The following VSTM4 variants were observed in gnomAD, a reference collection of about 807,000 sequenced individuals.
The protein encoded by VSTM4 is V-set and transmembrane domain containing 4, also known as V-set and transmembrane domain-containing protein 4.
Under a neutral mutation model 36.4 loss-of-function variants are expected in VSTM4, and 20 were observed. The ratio of observed to expected loss-of-function variants is 0.55; its 90% CI spans 0.39 to 0.80. The LOEUF is 0.80. Among genes scored for constraint, VSTM4 ranks in the 30% least tolerant of loss-of-function variants. The pLI is 0.00. For synonymous variants in VSTM4, 182 were observed against 173.9 expected, an observed-to-expected ratio of 1.05 and a Z score of -0.37; for missense variants, 392 against 404.5, an observed-to-expected ratio of 0.97 and a Z score of 0.26.
intron 1 of VSTM4, among the ~76,000 whole-genome samples, chr10:49,113,531 T>A (rs1308770338): frequency 6.6e-6 from 1 of 152,242 alleles, no homozygotes; most frequent in South Asian, 2.1e-4. Context: ...TAAGCCCTTG[T>A]TCAAGCTCAC....
intron 4 of VSTM4, among the ~76,000 whole-genome samples, chr10:49,069,072 C>T (rs1252065044): frequency 1.8e-4 from 27 of 152,058 alleles, no homozygotes. Flanking sequence ...CTCACACTCT[C>T]ACCCCATGGC....
At chr10:49,100,001 G>A (rs1330832714) in intron 2 of VSTM4, among the ~76,000 whole-genome samples, 1 of 152,040 alleles carries the variant, frequency 6.6e-6, no homozygotes, top group Non-Finnish European at 1.5e-5. Context: ...GGGAGACAGA[G>A]CCAGACTCCG....
chr10:49,026,329 C>A (rs1329419539), intron 7 of VSTM4, among the ~76,000 whole-genome samples: 2 of 152,186 alleles, frequency 1.3e-5, no homozygotes, highest in Non-Finnish European at 2.9e-5. Context: ...CCAAGACATT[C>A]TGTGGGGCAA....
intron 2 of VSTM4, among the ~76,000 whole-genome samples, chr10:49,097,577 G>A (rs998119598): frequency 6.6e-6 from 1 of 152,184 alleles, no homozygotes; most frequent in Non-Finnish European, 1.5e-5. Flanking sequence ...AGTTATCAAG[G>A]GCAGGTCTGA....
chr10:49,048,429 G>C (rs376795635), intron 6 of VSTM4, 49 bp downstream of exon 6: 27 of 1,506,120 alleles, frequency 1.8e-5, no homozygotes, highest in African/African-American at 4.3e-5. Flanking sequence ...GACCCACAGG[G>C]ATCAATAATG....
intron 3 of VSTM4, among the ~76,000 whole-genome samples, chr10:49,082,621 G>C (rs1022342206): frequency 2.0e-5 from 3 of 152,062 alleles, no homozygotes; most frequent in Admixed American, 2.0e-4. Context: ...GTTGCAATGA[G>C]CCAAAATCAT....
chr10:49,038,565 C>T lies in VSTM4; in HGVS notation c.837+8418G>A, dbSNP rs577776073. On this transcript the variant is annotated intron_variant, in intron 7 of 7. Transcript: ENST00000332853. ...GAGTGTTTCACATGACTGAATTGTA[C>T]ACTTAAAAATGATGAAGATAGTACG... Among the ~76,000 whole-genome samples, 29 of 152,232 alleles carry T rather than the reference C, an allele frequency of 1.9e-4. No homozygotes were observed. The South Asian group carries it at 5.6e-3, about 29-fold the overall frequency.
rs1354290249 is a variant in VSTM4, at chr10:49,046,969, A to G, written c.837+14T>C. 11 of 1,613,086 alleles carry G rather than the reference A, an allele frequency of 6.8e-6. No homozygotes were observed. The highest frequency in any genetic ancestry group is 9.3e-6 in the Non-Finnish European group (11 of 1,179,166). ...GCTTAAGGTATGATAGGAATACAGA[A>G]GACGGTTACTTACCAGCGTGACTTT... On this transcript the variant is annotated intron_variant, in intron 7 of 7. Transcript: ENST00000332853.
intron 5 of VSTM4, among the ~76,000 whole-genome samples, chr10:49,063,058 C>A (rs143491246): frequency 6.7e-6 from 1 of 150,374 alleles, no homozygotes. Flanking sequence ...CTGCTTTAAG[C>A]CTGCAGGTGG....
intron 7 of VSTM4, among the ~76,000 whole-genome samples, chr10:49,042,947 T>C (rs1227551656): frequency 1.3e-5 from 2 of 152,194 alleles, no homozygotes; most frequent in Non-Finnish European, 2.9e-5. Context: ...GGACAGATTC[T>C]GGGGAGGACA....
chr10:49,051,747 C>A (rs1322439773), intron 5 of VSTM4, among the ~76,000 whole-genome samples: 1 of 152,164 alleles, frequency 6.6e-6, no homozygotes, highest in Non-Finnish European at 1.5e-5. Flanking sequence ...TCTGGATGTA[C>A]CACAGTTTAT....
chr10:49,094,297 A>G (rs1346559513), intron 2 of VSTM4, among the ~76,000 whole-genome samples: 6 of 152,190 alleles, frequency 3.9e-5, no homozygotes. Context: ...TGTGTCTGTC[A>G]TGATTTATTT....
At chr10:49,041,143 C>T (rs1478335215) in intron 7 of VSTM4, among the ~76,000 whole-genome samples, 1 of 152,192 alleles carries the variant, frequency 6.6e-6, no homozygotes. Context: ...GAGGTCAATG[C>T]TGGCCTCCCG....
rs151080150 is a variant in VSTM4, at chr10:49,112,847, C to A, written c.55+2584G>T. On this transcript the variant is annotated intron_variant, in intron 1 of 7. Coordinates refer to ENST00000332853, the MANE Select transcript of VSTM4 (RefSeq NM_001031746.5). ...TGTGGATAAAAGTTAAGGTGTCTAA[C>A]CCCCTTGCTTATATTTGAATAATGT... 3.4e-3 allele frequency among the ~76,000 whole-genome samples: 519 copies of A among 152,316 alleles called. 4 individuals carry two copies. The highest frequency in any genetic ancestry group is 0.012 in the African/African-American group (493 of 41,550).
intron 4 of VSTM4, among the ~76,000 whole-genome samples, chr10:49,070,669 T>G (rs941465387): frequency 6.6e-6 from 1 of 152,030 alleles, no homozygotes; most frequent in African/African-American, 2.4e-5. Flanking sequence ...GAGTCAGGAG[T>G]TCAGAAGACC....
intron 2 of VSTM4, among the ~76,000 whole-genome samples, chr10:49,090,468 G>C (rs1844452239): frequency 1.3e-5 from 2 of 152,192 alleles, no homozygotes; most frequent in Non-Finnish European, 2.9e-5. Context: ...CAGCTGGTGA[G>C]CCAGACAATG....
At chr10:49,038,305 C>T (rs926797626) in intron 7 of VSTM4, among the ~76,000 whole-genome samples, 1 of 152,204 alleles carries the variant, frequency 6.6e-6, no homozygotes, top group African/African-American at 2.4e-5. Context: ...CTCACACACA[C>T]AGCAACGTGG....
At chr10:49,065,153 G>C (rs139669114) in intron 4 of VSTM4, among the ~76,000 whole-genome samples, 2 of 152,176 alleles carry the variant, frequency 1.3e-5, no homozygotes, top group Non-Finnish European at 2.9e-5. Context: ...TCTGATTAAT[G>C]CTCTTCCAGG....
At chr10:49,097,450 TA>T (rs11451407) in intron 2 of VSTM4, among the ~76,000 whole-genome samples, 6 of 150,428 alleles carry the variant, frequency 4.0e-5, no homozygotes, top group East Asian at 1.9e-4. Context: ...CAAAGGAAGG[TA>T]AAAAAAAAGG....
Sources: gnomAD v4.1 joint callset for allele counts (sites outside exome capture counted in the v4.1 genomes callset) on GRCh38, gnomAD v4.1.1 for gene constraint, MANE v1.5 for transcripts, NCBI Gene and HGNC (gene_info 2026-07-23, HGNC 2026-07-21) for gene names.